The following CACNA2D2 variants were observed in gnomAD, a reference collection of about 807,000 sequenced individuals.
CACNA2D2 encodes the protein voltage-dependent calcium channel subunit alpha-2/delta-2.
A neutral mutation model predicts 166.4 loss-of-function variants in CACNA2D2; 48 were observed. That is an observed-to-expected ratio of 0.29 (90% CI 0.23 to 0.37). The LOEUF is 0.37. Ranked by LOEUF, CACNA2D2 falls within the 10% of genes least tolerant of loss-of-function variation. CACNA2D2 has a pLI of 1.00. For missense variants in CACNA2D2, 1,122 were observed against 1,433.0 expected (o/e 0.78, Z 3.50); for synonymous variants, 561 against 573.7 (o/e 0.98, Z 0.32).
At chr3:50,445,716 G>A (rs1261483190) in intron 2 of CACNA2D2, among the ~76,000 whole-genome samples, 3 of 152,168 alleles carry the variant, frequency 2.0e-5, no homozygotes, top group Non-Finnish European at 4.4e-5. Context: ...CAGACCCAAG[G>A]GAACTCAGCT....
intron 2 of CACNA2D2, among the ~76,000 whole-genome samples, chr3:50,435,410 C>A (rs1441347086): frequency 6.6e-6 from 1 of 151,848 alleles, no homozygotes; most frequent in Non-Finnish European, 1.5e-5. Context: ...GAGGTCTGTG[C>A]CCCAAGTACA....
chr3:50,389,229 G>A lies in CACNA2D2; in HGVS notation c.466-1617C>T, dbSNP rs377316723. 2.6e-5 allele frequency among the ~76,000 whole-genome samples: 4 copies of A among 152,300 alleles called. No individual in the cohort carries two copies. The East Asian group carries it at 7.7e-4, about 29-fold the overall frequency. The stretch of plus-strand genomic sequence containing the variant: ...CCCTGCGCCCGGCTCCGACCGAAGC[G>A]CATAATGAAAGCTGACATTACATCA... On this transcript the variant is annotated intron_variant, in intron 4 of 37. Coordinates refer to ENST00000424201, the MANE Select transcript of CACNA2D2 (RefSeq NM_006030.4).
intron 3 of CACNA2D2, among the ~76,000 whole-genome samples, chr3:50,400,233 A>C (rs748436192): frequency 7.9e-5 from 12 of 152,216 alleles, no homozygotes; most frequent in Admixed American, 2.0e-4. Flanking sequence ...CCCAGGGCTG[A>C]CAGTAGGGGC....
chr3:50,473,004 T>G (rs1199031359), intron 2 of CACNA2D2, among the ~76,000 whole-genome samples: 1 of 151,176 alleles, frequency 6.6e-6, no homozygotes, highest in Non-Finnish European at 1.5e-5. Context: ...AGGGCAAGAG[T>G]GGGCCACGGG....
chr3:50,408,244 C>T (rs148706933), intron 3 of CACNA2D2, among the ~76,000 whole-genome samples: 4 of 152,322 alleles, frequency 2.6e-5, no homozygotes, highest in East Asian at 3.9e-4. Flanking sequence ...GGCAGCAAGG[C>T]GGGATATGAA....
At chr3:50,414,818 T>C (rs1003025656) in intron 3 of CACNA2D2, among the ~76,000 whole-genome samples, 8 of 152,112 alleles carry the variant, frequency 5.3e-5, no homozygotes, top group Non-Finnish European at 7.4e-5. Context: ...AAACAACCCC[T>C]CCAAGTCTGC....
chr3:50,498,882 C>T (rs1181265397), intron 1 of CACNA2D2, among the ~76,000 whole-genome samples: 1 of 152,254 alleles, frequency 6.6e-6, no homozygotes, highest in Non-Finnish European at 1.5e-5. Flanking sequence ...ACAGATCTAT[C>T]CTTTCCCCTG....
chr3:50,379,288 G>A lies in CACNA2D2; in HGVS notation c.1153-89C>T. 1 of 1,450,712 alleles carries A rather than the reference G, an allele frequency of 6.9e-7. No homozygotes were observed. The allele number at this position is 1,450,712 out of a possible 1,614,324, so 89.9% of individuals were successfully genotyped here. On this transcript the variant is annotated intron_variant, in intron 11 of 37. Transcript: ENST00000424201. The surrounding 1 kb of genome is among the most constrained non-coding windows in gnomAD (Gnocchi z 6.5). ...CTCCCGCAGTGGGCCTGGACCTCTGGCCCTCCTCCCCCACAGCAGATGGAG... is the reference window on the plus strand; with the variant it reads ...CTCCCGCAGTGGGCCTGGACCTCTGACCCTCCTCCCCCACAGCAGATGGAG...
In CACNA2D2 at chr3:50,365,622, G is replaced by A; in HGVS notation, c.2971+11C>T. On this transcript the variant is annotated intron_variant, in intron 34 of 37. Coordinates refer to ENST00000424201, the MANE Select transcript of CACNA2D2 (RefSeq NM_006030.4). The surrounding 1 kb of genome is among the most constrained non-coding windows in gnomAD (Gnocchi z 4.5). ...CCGGACTTGAGGAGGCGCCTCCAAA[G>A]CCCTACCTACCTGCTTGGAACCAGC... 2 of 1,574,510 alleles carry A rather than the reference G, an allele frequency of 1.3e-6. No individual in the cohort carries two copies. Among genetic ancestry groups the A allele is most frequent in the Non-Finnish European group, 8.6e-7 (1 of 1,159,722 alleles).
At chr3:50,405,236 G>T (rs1183915298) in intron 3 of CACNA2D2, among the ~76,000 whole-genome samples, 1 of 152,156 alleles carries the variant, frequency 6.6e-6, no homozygotes, top group Non-Finnish European at 1.5e-5. Context: ...GGTTGGGCTG[G>T]GGGTGGAGGG....
chr3:50,430,032 A>G (rs1369355024), intron 3 of CACNA2D2, among the ~76,000 whole-genome samples: 1 of 152,190 alleles, frequency 6.6e-6, no homozygotes, highest in Non-Finnish European at 1.5e-5. Flanking sequence ...GCATGTTAGG[A>G]GGGGTGCTGG....
Position 50,366,493 on chromosome 3 carries a change from G to A in CACNA2D2, c.2637+85C>T. On this transcript the variant is annotated intron_variant, in intron 30 of 37. Coordinates refer to ENST00000424201, the MANE Select transcript of CACNA2D2 (RefSeq NM_006030.4). This position sits in a 1 kb window ranked among gnomAD's most constrained non-coding sequence, Gnocchi z 5.9. ...GGGGATGTTGAGACCCACAGGCCAA[G>A]GGATGTGCTGGGAGTCGCGGCTGGG... 6.6e-7 allele frequency: 1 copy of A among 1,517,198 alleles called. No individual in the cohort carries two copies. The highest frequency in any genetic ancestry group is 9.2e-7 in the Non-Finnish European group (1 of 1,092,152). The allele number at this position is 1,517,198 out of a possible 1,614,324, so 94.0% of individuals were successfully genotyped here.
rs190524723 is a variant in CACNA2D2, at chr3:50,369,865, C to T, written c.2045+455G>A. 1.8e-4 allele frequency among the ~76,000 whole-genome samples: 28 copies of T among 152,372 alleles called. No homozygotes were observed. The East Asian group carries it at 2.9e-3, about 16-fold the overall frequency. ...GTACCACGCCTAGACCCGGCACTGC[C>T]GACAGGGGCTCTGGCTGGCTCGGCC... On this transcript the variant is annotated intron_variant, in intron 23 of 37. Transcript: ENST00000424201.
chr3:50,438,977 A>C (rs1254190590), intron 2 of CACNA2D2, among the ~76,000 whole-genome samples: 1 of 152,214 alleles, frequency 6.6e-6, no homozygotes, highest in Admixed American at 6.5e-5. Flanking sequence ...ACAACCCCTG[A>C]GGAGGGTCCA....
chr3:50,498,128 AAGAG>A (rs1458095572), intron 1 of CACNA2D2, among the ~76,000 whole-genome samples: 3 of 151,966 alleles, frequency 2.0e-5, no homozygotes, highest in South Asian at 4.2e-4. Context: ...TGGAAGGGGG[AAGAG>A]AGAGAAAGAC....
intron 1 of CACNA2D2, among the ~76,000 whole-genome samples, chr3:50,488,447 T>TC (rs1030934567): frequency 5.3e-5 from 8 of 151,916 alleles, no homozygotes; most frequent in Admixed American, 6.6e-5. Flanking sequence ...CAGAGCCTCT[T>TC]CCCCCCGGCA....
intron 2 of CACNA2D2, among the ~76,000 whole-genome samples, chr3:50,449,405 C>T (rs550599503): frequency 1.3e-5 from 2 of 152,190 alleles, no homozygotes; most frequent in Non-Finnish European, 2.9e-5. Flanking sequence ...CATGAGCAGT[C>T]GCCCAGGAGA....
chr3:50,457,854 T>C (rs1282458457), intron 2 of CACNA2D2, among the ~76,000 whole-genome samples: 1 of 152,082 alleles, frequency 6.6e-6, no homozygotes, highest in Non-Finnish European at 1.5e-5. Flanking sequence ...TCAATCTCAA[T>C]AGGTGATGAT....
In CACNA2D2 at chr3:50,434,423, T is replaced by G. The variant is rs1308145343; in HGVS notation, c.295A>C (p.Lys99Gln). 6.2e-7 allele frequency: 1 copy of G among 1,613,554 alleles called. No homozygotes were observed. Among genetic ancestry groups the G allele is most frequent in the East Asian group, 2.2e-5 (1 of 44,884 alleles). Reference protein sequence around the residue: ...GGVQQLREIYKDNRNLFEVQE... With the variant: ...GGVQQLREIYQDNRNLFEVQE... ...ACCTCGAACAGGTTCCGGTTGTCCT[T>G]GTAAATCTGGAAGGAAGCAGAAGCC... Residue 99 changes from lysine (K) to glutamine (Q), a missense_variant, in exon 3 of 38, where the codon AAG (lysine) becomes CAG (glutamine). By Grantham distance (53) the Lys-to-Gln change is moderately conservative. Coordinates refer to ENST00000424201, the MANE Select transcript of CACNA2D2 (RefSeq NM_006030.4).
Sources: gnomAD v4.1 joint callset for allele counts (sites outside exome capture counted in the v4.1 genomes callset) on GRCh38, gnomAD v4.1.1 for gene constraint, Gnocchi (gnomAD v3.1) non-coding constraint, MANE v1.5 for transcripts, NCBI Gene and HGNC (gene_info 2026-07-23, HGNC 2026-07-21) for gene names.